Variants in CLVS1 observed in about 807,000 individuals in gnomAD.
CLVS1 encodes the protein clavesin 1.
In CLVS1, 10 loss-of-function variants were observed where a neutral mutation model predicts 33.1. That is an observed-to-expected ratio of 0.30 (90% CI 0.19 to 0.51). CLVS1 has a LOEUF of 0.51. CLVS1 is among the 20% of genes least tolerant of loss of function. The probability of loss-of-function intolerance (pLI) is 0.97; values close to 1 mark genes in which losing one functional copy is unlikely to be tolerated. For synonymous variants in CLVS1, 163 were observed against 166.1 expected, an observed-to-expected ratio of 0.98 and a Z score of 0.14; for missense variants, 343 against 433.4, an observed-to-expected ratio of 0.79 and a Z score of 1.85.
In CLVS1 at chr8:61,487,060, C is replaced by A. The variant is rs562126674; in HGVS notation, c.978-12395C>A. ...AAATTTTAATGAGCATACAAAGCAC[C>A]GAGATCTTGTTAAAATACAGATTCT... is the stretch of plus-strand genomic sequence containing the variant. On this transcript the variant is annotated intron_variant, in intron 5 of 5. Transcript: ENST00000325897. 3.2e-4 allele frequency among the ~76,000 whole-genome samples: 48 copies of A among 152,264 alleles called. 1 individual carries two copies. The South Asian group carries it at 8.7e-3, about 28-fold the overall frequency.
chr8:61,288,661 G>A (rs1168154304), intron 1 of CLVS1, among the ~76,000 whole-genome samples: 1 of 152,206 alleles, frequency 6.6e-6, no homozygotes, highest in Non-Finnish European at 1.5e-5. Context: ...GCAGATTAGG[G>A]TCTGTTTAGT....
chr8:61,218,427 A>C (rs912770854), intron 2 of CLVS1, among the ~76,000 whole-genome samples: 9 of 152,172 alleles, frequency 5.9e-5, no homozygotes, highest in African/African-American at 2.2e-4. Flanking sequence ...ACATGTTCTC[A>C]CTTATACGTG....
At chr8:61,150,923 T>G (rs1179425705) in intron 2 of CLVS1, among the ~76,000 whole-genome samples, 2 of 152,026 alleles carry the variant, frequency 1.3e-5, no homozygotes, top group Non-Finnish European at 2.9e-5. Context: ...CTGCAGCAGG[T>G]GAGTTGGCCA....
intron 2 of CLVS1, among the ~76,000 whole-genome samples, chr8:61,257,158 G>T (rs181747254): frequency 1.3e-5 from 2 of 152,278 alleles, no homozygotes; most frequent in African/African-American, 4.8e-5. Flanking sequence ...AGATTGTGGG[G>T]ATAATGCTAA....
At chr8:61,336,547 C>G (rs1811813625) in intron 2 of CLVS1, among the ~76,000 whole-genome samples, 1 of 152,078 alleles carries the variant, frequency 6.6e-6, no homozygotes, top group South Asian at 2.1e-4. Flanking sequence ...CTCCCTGGTA[C>G]TGGGAGGCAC....
chr8:61,416,228 C>T (rs1307640810), intron 3 of CLVS1, among the ~76,000 whole-genome samples: 1 of 151,902 alleles, frequency 6.6e-6, no homozygotes, highest in East Asian at 1.9e-4. Context: ...TTTCTATTAC[C>T]ATTTTTTCCC....
intron 3 of CLVS1, among the ~76,000 whole-genome samples, chr8:61,407,889 TC>T (rs1490235524): frequency 2.6e-5 from 4 of 152,216 alleles, no homozygotes; most frequent in African/African-American, 9.6e-5. Context: ...AACATTCATG[TC>T]TAATGGAGAG....
intron 2 of CLVS1, among the ~76,000 whole-genome samples, chr8:61,241,322 G>A (rs1052945464): frequency 1.3e-5 from 2 of 151,946 alleles, no homozygotes; most frequent in South Asian, 2.1e-4. Context: ...TTTAATTCAC[G>A]AGATGAATTA....
Position 61,498,413 on chromosome 8 carries a change from A to C in CLVS1, c.978-1042A>C, listed in dbSNP as rs868227231. On this transcript the variant is annotated intron_variant, in intron 5 of 5. Transcript: ENST00000325897. ...GCACCCCAGGTCTACCGAGTTAACA[A>C]TTTACTGCACATATATGTAAGTTTT... 7.2e-5 allele frequency among the ~76,000 whole-genome samples: 11 copies of C among 152,308 alleles called. No individual in the cohort carries two copies. The South Asian group carries it at 2.3e-3, about 32-fold the overall frequency.
chr8:61,491,649 G>A (rs1336043952), intron 5 of CLVS1, among the ~76,000 whole-genome samples: 1 of 152,140 alleles, frequency 6.6e-6, no homozygotes, highest in Non-Finnish European at 1.5e-5. Context: ...ATATTAAAGA[G>A]CTAAGAATGC....
intron 3 of CLVS1, among the ~76,000 whole-genome samples, chr8:61,388,317 C>A (rs572498647): frequency 6.7e-6 from 1 of 149,502 alleles, no homozygotes; most frequent in South Asian, 2.1e-4. Context: ...CTGAATCAAT[C>A]ATTTTTTTTT....
chr8:61,380,302 A>G (rs16927237), intron 3 of CLVS1, among the ~76,000 whole-genome samples: 87,834 of 152,070 alleles, frequency 0.58, 29,302 homozygotes, highest in Non-Finnish European at 0.73. Flanking sequence ...TGGCATGTGC[A>G]TGGAGCTTGG....
chr8:61,370,893 C>T (rs927715796), intron 2 of CLVS1, among the ~76,000 whole-genome samples: 7 of 152,094 alleles, frequency 4.6e-5, no homozygotes, highest in African/African-American at 9.7e-5. Context: ...TTTATTTACT[C>T]GTTGATTGAT....
At chr8:61,497,085 C>T (rs1054494747) in intron 5 of CLVS1, among the ~76,000 whole-genome samples, 2 of 152,050 alleles carry the variant, frequency 1.3e-5, no homozygotes, top group African/African-American at 4.8e-5. Context: ...AGAACAATAC[C>T]ATGCACAAAC....
At chr8:61,376,841 C>T (rs537850952) in intron 3 of CLVS1, 62 bp downstream of exon 3, 355 of 1,415,712 alleles carry the variant, frequency 2.5e-4, no homozygotes, top group Non-Finnish European at 3.1e-4. Context: ...AAAAAATTAT[C>T]GCAACCAAAG....
chr8:61,393,964 G>A (rs1026848305), intron 3 of CLVS1, among the ~76,000 whole-genome samples: 4 of 152,200 alleles, frequency 2.6e-5, no homozygotes, highest in Non-Finnish European at 5.9e-5. Flanking sequence ...TGCCTGCAAT[G>A]CAATTTCTGC....
At chr8:61,349,050 G>T (rs924533465) in intron 2 of CLVS1, among the ~76,000 whole-genome samples, 6 of 151,972 alleles carry the variant, frequency 3.9e-5, no homozygotes, top group African/African-American at 1.4e-4. Context: ...CAGGTCCTTT[G>T]CCCATTTAAT....
intron 2 of CLVS1, among the ~76,000 whole-genome samples, chr8:61,152,417 T>A (rs980285707): frequency 1.3e-5 from 2 of 152,172 alleles, no homozygotes; most frequent in Admixed American, 1.3e-4. Context: ...TCATAAATAA[T>A]AGAAATTTAT....
rs34505557 is a variant in CLVS1 at position 61,310,632 on chromosome 8, AC to A, written c.455+10351del. 0.011 allele frequency among the ~76,000 whole-genome samples: 1,723 copies of A among 152,290 alleles called. 97 individuals carry two copies. The East Asian group carries it at 0.19, about 16-fold the overall frequency. The stretch of plus-strand genomic sequence containing the variant: ...TCCTGTTGCCACATACTTCAATCTC[AC>A]AGAAACCTAGCGAACCAAATGTTCA... On this transcript the variant is annotated intron_variant, in intron 2 of 5. Coordinates refer to ENST00000325897, the MANE Select transcript of CLVS1 (RefSeq NM_173519.3).
Sources: gnomAD v4.1 joint callset for allele counts (sites outside exome capture counted in the v4.1 genomes callset) on GRCh38, gnomAD v4.1.1 for gene constraint, MANE v1.5 for transcripts, NCBI Gene and HGNC (gene_info 2026-07-23, HGNC 2026-07-21) for gene names.